BCKDHB: variants seen among roughly 807,000 people sequenced by gnomAD.
The protein encoded by BCKDHB is 2-oxoisovalerate dehydrogenase subunit beta, mitochondrial.
Under a neutral mutation model 48.5 loss-of-function variants are expected in BCKDHB, and 41 were observed. The ratio of observed to expected loss-of-function variants is 0.85; its 90% CI spans 0.66 to 1.10. The LOEUF is 1.10. Ranked by LOEUF, BCKDHB falls within the 50% of genes least tolerant of loss-of-function variation. The probability of loss-of-function intolerance (pLI) is 0.00; values close to 1 mark genes in which losing one functional copy is unlikely to be tolerated. For missense variants in BCKDHB, 496 were observed against 494.2 expected, an observed-to-expected ratio of 1.00 and a Z score of -0.03; for synonymous variants, 201 against 174.8, an observed-to-expected ratio of 1.15 and a Z score of -1.18.
chr6:80,322,888 T>TC (rs1768812209), intron 9 of BCKDHB, among the ~76,000 whole-genome samples: 4 of 131,042 alleles, frequency 3.1e-5, no homozygotes, highest in Non-Finnish European at 6.3e-5. Flanking sequence ...TCTTTTTTTT[T>TC]CTTTTTTCTT....
chr6:80,432,832 T>C, the BCKDHB span, among the ~76,000 whole-genome samples: 1 of 152,198 alleles, frequency 6.6e-6, no homozygotes, highest in African/African-American at 2.4e-5. Flanking sequence ...ACCTTTCATC[T>C]TCAATGTTAG....
At chr6:80,433,499 ACCCCTC>A in the BCKDHB span, among the ~76,000 whole-genome samples, 1 of 151,926 alleles carries the variant, frequency 6.6e-6, no homozygotes, top group African/African-American at 2.4e-5. Context: ...AATGGCAGAC[ACCCCTC>A]CCCGCGCCAA....
At chr6:80,233,234 A>G (rs971882772) in intron 8 of BCKDHB, among the ~76,000 whole-genome samples, 2 of 152,120 alleles carry the variant, frequency 1.3e-5, no homozygotes, top group African/African-American at 4.8e-5. Context: ...TAAAAATTCC[A>G]TTCCATTTTA....
intron 8 of BCKDHB, among the ~76,000 whole-genome samples, chr6:80,208,129 A>G (rs1197006823): frequency 1.3e-5 from 2 of 151,866 alleles, no homozygotes; most frequent in Admixed American, 1.3e-4. Context: ...CATTGAGATT[A>G]TGTTCTCTAA....
At chr6:80,296,912 C>A (rs1767287369) in intron 9 of BCKDHB, among the ~76,000 whole-genome samples, 1 of 152,158 alleles carries the variant, frequency 6.6e-6, no homozygotes, top group Non-Finnish European at 1.5e-5. Flanking sequence ...TTCTTATAAT[C>A]TTTTACCAAA....
chr6:80,114,049 A>G (rs1769554659), intron 1 of BCKDHB, among the ~76,000 whole-genome samples: 1 of 152,072 alleles, frequency 6.6e-6, no homozygotes, highest in Non-Finnish European at 1.5e-5. Flanking sequence ...CACGCAGAAA[A>G]GGGGCAGGAG....
chr6:80,236,067 T>C (rs1376261398), intron 8 of BCKDHB, among the ~76,000 whole-genome samples: 8 of 152,252 alleles, frequency 5.3e-5, no homozygotes, highest in Non-Finnish European at 1.2e-4. Context: ...AAATTAATTT[T>C]TCAATCTCAA....
At chr6:80,273,021 T>G in intron 8 of BCKDHB, 114 bp from the exon 9 acceptor site, 1 of 814,334 alleles carries the variant, frequency 1.2e-6, no homozygotes, top group South Asian at 1.5e-5. Context: ...AATTACTGAT[T>G]TTTACACTAT....
intron 3 of BCKDHB, among the ~76,000 whole-genome samples, chr6:80,166,530 C>T (rs894737566): frequency 1.3e-5 from 2 of 150,420 alleles, no homozygotes; most frequent in Non-Finnish European, 3.0e-5. Context: ...GTGGTGGGCG[C>T]CTATAATCCC....
At chr6:80,118,361 TTTAA>T (rs1430696734) in intron 1 of BCKDHB, among the ~76,000 whole-genome samples, 20 of 152,292 alleles carry the variant, frequency 1.3e-4, no homozygotes, top group Admixed American at 7.8e-4. Context: ...ATGTACATAC[TTTAA>T]TTAAGAAATA....
chr6:80,462,800 G>C, the BCKDHB span: 1 of 152,212 alleles, frequency 6.6e-6, no homozygotes, highest in Non-Finnish European at 1.5e-5. Context: ...AGTGGTTACA[G>C]AGTGCCAAGA....
the BCKDHB span, among the ~76,000 whole-genome samples, chr6:80,458,303 C>T: frequency 3.5e-4 from 54 of 152,316 alleles, no homozygotes; most frequent in Middle Eastern, 3.4e-3. Flanking sequence ...CTGGGTCAAA[C>T]AAATAGCCAG....
At chr6:80,262,402 A>T (rs932541977) in intron 8 of BCKDHB, among the ~76,000 whole-genome samples, 2 of 152,160 alleles carry the variant, frequency 1.3e-5, no homozygotes, top group African/African-American at 4.8e-5. Context: ...ATTTTAAACC[A>T]GAAGTCCAGT....
In BCKDHB at chr6:80,171,380, C is replaced by T. The variant is rs537988425; in HGVS notation, c.732C>T (p.Tyr244=). The change falls in exon 6 of 10, where the codon TAC becomes TAT. Residue 244 remains tyrosine, a synonymous_variant. Transcript: ENST00000320393. ...TATTTTTTGAACCTAAAATACTTTA[C>T]AGGGCAGCAGGTAAAGATTTTCTTT... ...PCIFFEPKIL[Y]RAAAEEVPIE... 1.6e-5 allele frequency: 25 copies of T among 1,582,946 alleles called. No individual in the cohort carries two copies. Among genetic ancestry groups the T allele is most frequent in the African/African-American group, 2.7e-5 (2 of 74,094 alleles).
chr6:80,355,560 A>G, the BCKDHB span: 11 of 152,156 alleles, frequency 7.2e-5, no homozygotes, highest in Admixed American at 3.9e-4. Flanking sequence ...CCCTCCTAGC[A>G]TAAAAATTAT....
chr6:80,398,562 T>A, the BCKDHB span, among the ~76,000 whole-genome samples: 1 of 151,546 alleles, frequency 6.6e-6, no homozygotes, highest in African/African-American at 2.4e-5. Flanking sequence ...AACAGTGAGC[T>A]CCAAAAATGA....
chr6:80,407,171 T>C, the BCKDHB span, among the ~76,000 whole-genome samples: 2 of 152,148 alleles, frequency 1.3e-5, no homozygotes, highest in African/African-American at 4.8e-5. Context: ...GATATAGATG[T>C]GTGGTGTTAT....
At chr6:80,169,805 T>C (rs1772803030) in intron 5 of BCKDHB, 2 of 1,605,070 alleles carry the variant, frequency 1.2e-6, no homozygotes, top group Non-Finnish European at 1.7e-6. Flanking sequence ...TTGTTTTTTC[T>C]ACCAGATCAA....
chr6:80,348,365 T>C (rs934073675), downstream of BCKDHB, among the ~76,000 whole-genome samples: 4 of 152,320 alleles, frequency 2.6e-5, no homozygotes, highest in South Asian at 6.2e-4. Context: ...TCAGCTTGCC[T>C]AGAGTGGATA....
Sources: gnomAD v4.1 joint callset for allele counts (sites outside exome capture counted in the v4.1 genomes callset) on GRCh38, gnomAD v4.1.1 for gene constraint, MANE v1.5 for transcripts, NCBI Gene and HGNC (gene_info 2026-07-23, HGNC 2026-07-21) for gene names.